PLEKHG1: variants seen among roughly 807,000 people sequenced by gnomAD.
The protein encoded by PLEKHG1 is pleckstrin homology domain-containing family G member 1.
In PLEKHG1, 44 loss-of-function variants were observed where a neutral mutation model predicts 100.8. That is an observed-to-expected ratio of 0.44 (90% CI 0.34 to 0.56). PLEKHG1 has a LOEUF of 0.56. Among genes scored for constraint, PLEKHG1 ranks in the 20% least tolerant of loss-of-function variants. The pLI is 0.01. For missense variants in PLEKHG1, 1,545 were observed against 1,720.9 expected, an observed-to-expected ratio of 0.90 and a Z score of 1.81; for synonymous variants, 640 against 662.5, an observed-to-expected ratio of 0.97 and a Z score of 0.52.
chr6:150,648,948 G>A (rs1778604173), intron 2 of PLEKHG1, among the ~76,000 whole-genome samples: 1 of 151,698 alleles, frequency 6.6e-6, no homozygotes, highest in African/African-American at 2.4e-5. Flanking sequence ...CTAGTTTTTG[G>A]TTGGATGTTA....
chr6:150,685,755 G>A (rs1339259068), intron 3 of PLEKHG1, among the ~76,000 whole-genome samples: 1 of 152,224 alleles, frequency 6.6e-6, no homozygotes, highest in Non-Finnish European at 1.5e-5. Context: ...TTATTTAAAT[G>A]TGATCAGTTT....
chr6:150,671,919 A>G lies in PLEKHG1; in HGVS notation c.-99+21133A>G, dbSNP rs577532497. Among the ~76,000 whole-genome samples, 7 of 152,268 alleles carry G rather than the reference A, an allele frequency of 4.6e-5. No homozygotes were observed. In the South Asian group the frequency reaches 1.2e-3, roughly 27 times the overall value. ...GAGTTTGGTTTTTATTCTAAATGCAATGGGACTATATTTATAGGTTTTAAG... is the reference window on the plus strand; with the variant it reads ...GAGTTTGGTTTTTATTCTAAATGCAGTGGGACTATATTTATAGGTTTTAAG... On this transcript the variant is annotated intron_variant, in intron 3 of 3. Transcript: ENST00000367326.
intron 1 of PLEKHG1, among the ~76,000 whole-genome samples, chr6:150,608,072 A>G (rs1776676469): frequency 6.6e-6 from 1 of 152,244 alleles, no homozygotes; most frequent in South Asian, 2.1e-4. Flanking sequence ...TGAAACAGCA[A>G]GGAAAGAAAT....
intron 3 of PLEKHG1, among the ~76,000 whole-genome samples, chr6:150,695,819 CTGA>C (rs879840494): frequency 1.8e-4 from 27 of 152,256 alleles, no homozygotes; most frequent in African/African-American, 6.0e-4. Context: ...TTTCTGGTTG[CTGA>C]TATTTTCTTG....
chr6:150,663,413 G>A (rs1203598673), intron 3 of PLEKHG1: 1 of 151,834 alleles, frequency 6.6e-6, no homozygotes, highest in African/African-American at 2.4e-5. Flanking sequence ...TAGAGCAAAT[G>A]GTGCATCTTT....
chr6:150,761,972 A>G (rs548076365), intron 2 of PLEKHG1, among the ~76,000 whole-genome samples: 5 of 152,174 alleles, frequency 3.3e-5, no homozygotes, highest in Admixed American at 6.5e-5. Context: ...AGGCGCATGT[A>G]TCATCTGTCA....
At chr6:150,679,028 TTAA>T (rs1779849982) in intron 3 of PLEKHG1, among the ~76,000 whole-genome samples, 1 of 152,182 alleles carries the variant, frequency 6.6e-6, no homozygotes, top group Admixed American at 6.5e-5. Flanking sequence ...AAAAACAATA[TTAA>T]TGAGCAATTT....
chr6:150,713,177 T>G (rs1467181096), intron 3 of PLEKHG1, among the ~76,000 whole-genome samples: 2 of 152,166 alleles, frequency 1.3e-5, no homozygotes, highest in Non-Finnish European at 2.9e-5. Context: ...GATGTTGCTC[T>G]GTGCCTCGAA....
At chr6:150,816,719 T>A (rs1361828283) in intron 10 of PLEKHG1, among the ~76,000 whole-genome samples, 1 of 151,866 alleles carries the variant, frequency 6.6e-6, no homozygotes, top group Non-Finnish European at 1.5e-5. Flanking sequence ...GCAGCTTAAT[T>A]GCTCCTTGAC....
intron 3 of PLEKHG1, among the ~76,000 whole-genome samples, chr6:150,709,150 G>A (rs992545020): frequency 2.6e-5 from 4 of 152,110 alleles, no homozygotes; most frequent in Non-Finnish European, 5.9e-5. Context: ...TGGCTAACAC[G>A]GTGAAACTCT....
At chr6:150,829,479 G>A (rs1346276597) in intron 14 of PLEKHG1, among the ~76,000 whole-genome samples, 7 of 152,036 alleles carry the variant, frequency 4.6e-5, no homozygotes, top group African/African-American at 1.2e-4. Flanking sequence ...TTAGCCAGGC[G>A]TGGTGGCGGG....
chr6:150,833,043 A>ATTTTT (rs57683244), intron 15 of PLEKHG1, among the ~76,000 whole-genome samples: 14 of 133,526 alleles, frequency 1.0e-4, no homozygotes, highest in Non-Finnish European at 8.0e-5. Context: ...TTACTACTCA[A>ATTTTT]TTTTTTTTTT....
At chr6:150,804,569 A>G in intron 6 of PLEKHG1, 41 bp from the exon 8 acceptor site, 1 of 1,501,770 alleles carries the variant, frequency 6.7e-7, no homozygotes, top group African/African-American at 1.6e-5. Context: ...ATATGAAAAT[A>G]AAATGAAAAA....
intron 2 of PLEKHG1, among the ~76,000 whole-genome samples, chr6:150,738,881 A>C (rs528180894): frequency 6.6e-6 from 1 of 152,230 alleles, no homozygotes; most frequent in Non-Finnish European, 1.5e-5. Flanking sequence ...ATGAGATGAT[A>C]AATATGAAAG....
Position 150,615,867 on chromosome 6 carries a change from A to T in PLEKHG1, c.-204+15850A>T, listed in dbSNP as rs73619653. On this transcript the variant is annotated intron_variant, in intron 1 of 3. Coordinates refer to the PLEKHG1 transcript ENST00000367326. ...ATTGGTACAGTGGTGATGATAGCTT[A>T]TCACCACTAGTCCAGGTGATGACTG... Among the ~76,000 whole-genome samples the T allele has an allele frequency of 7.9e-3, 1,207 of 152,334 alleles. 18 individuals are homozygous for T. Among genetic ancestry groups the T allele is most frequent in the African/African-American group, 0.027 (1,131 of 41,574 alleles).
At chr6:150,716,972 C>T (rs1212507910), upstream of PLEKHG1, among the ~76,000 whole-genome samples, 1 of 152,160 alleles carries the variant, frequency 6.6e-6, no homozygotes, top group African/African-American at 2.4e-5. Flanking sequence ...CGACCTCAGC[C>T]TCCCAAGTAA....
intron 4 of PLEKHG1, among the ~76,000 whole-genome samples, chr6:150,788,446 A>T (rs1460850169): frequency 6.6e-6 from 1 of 152,220 alleles, no homozygotes; most frequent in Non-Finnish European, 1.5e-5. Context: ...ACAGAGATTC[A>T]TCTTTGACCT....
chr6:150,663,982 C>G (rs77481433), intron 3 of PLEKHG1: 1 of 152,196 alleles, frequency 6.6e-6, no homozygotes, highest in Non-Finnish European at 1.5e-5. Flanking sequence ...GCAACTCTTA[C>G]TCAAATTTGG....
chr6:150,740,642 G>A (rs1782807559), intron 2 of PLEKHG1, among the ~76,000 whole-genome samples: 1 of 152,100 alleles, frequency 6.6e-6, no homozygotes, highest in African/African-American at 2.4e-5. Flanking sequence ...TTAAATGAAG[G>A]CTCGTTATGT....
Sources: allele counts gnomAD v4.1 joint callset (sites outside exome capture counted in the v4.1 genomes callset), GRCh38; gene constraint gnomAD v4.1.1; transcripts MANE v1.5; gene names NCBI Gene and HGNC (gene_info 2026-07-23, HGNC 2026-07-21).